ADCY5: variants seen among roughly 807,000 people sequenced by gnomAD.
ADCY5 encodes adenylate cyclase 5, also known as adenylate cyclase type 5.
In ADCY5, 30 loss-of-function variants were observed where a neutral mutation model predicts 119.7. The ratio of observed to expected loss-of-function variants is 0.25; its 90% CI spans 0.19 to 0.34. ADCY5 has a LOEUF of 0.34. Among genes scored for constraint, ADCY5 ranks in the 10% least tolerant of loss-of-function variants. ADCY5 has a pLI of 1.00. For synonymous variants in ADCY5, 753 were observed against 762.2 expected (o/e 0.99, Z 0.20); for missense variants, 1,324 against 1,775.2 (o/e 0.75, Z 4.57).
intron 1 of ADCY5, among the ~76,000 whole-genome samples, chr3:123,370,219 G>A (rs6795648): frequency 0.067 from 10,175 of 152,236 alleles, 846 homozygotes; most frequent in East Asian, 0.26. Context: ...TGAAGTCCAA[G>A]TGATGGACTA....
At chr3:123,360,118 C>T (rs1943195739) in intron 1 of ADCY5, among the ~76,000 whole-genome samples, 2 of 151,562 alleles carry the variant, frequency 1.3e-5, no homozygotes, top group African/African-American at 4.9e-5. Flanking sequence ...TAATGAGTGA[C>T]ACCTCTAAAA....
At chr3:123,427,843 G>A (rs1237456844) in intron 1 of ADCY5, among the ~76,000 whole-genome samples, 1 of 152,266 alleles carries the variant, frequency 6.6e-6, no homozygotes, top group Non-Finnish European at 1.5e-5. Context: ...GACAGGGTCT[G>A]TGGCTTGTTC....
rs143655776 is a variant in ADCY5, at chr3:123,370,522, G to A, written c.1135-17941C>T. On this transcript the variant is annotated intron_variant, in intron 1 of 20. Coordinates refer to ENST00000462833, the MANE Select transcript of ADCY5 (RefSeq NM_183357.3). ...ATCCCATTATCAAACACGTTCTTCT[G>A]GGCTACAACATAGATAGGCTCCAAA... 5.3e-5 allele frequency among the ~76,000 whole-genome samples: 8 copies of A among 152,268 alleles called. No homozygotes were observed. In the East Asian group the frequency reaches 1.5e-3, roughly 29 times the overall value.
At chr3:123,346,607 T>TTCTCTCTCTCTCTCTCTCTC (rs72299981) in intron 3 of ADCY5, among the ~76,000 whole-genome samples, 1,929 of 127,306 alleles carry the variant, frequency 0.015, 16 homozygotes, top group Non-Finnish European at 0.023. Context: ...CAGCCTCACC[T>TTCTCTCTCTCTCTCTCTCTC]TCTCTCTCTC....
intron 1 of ADCY5, among the ~76,000 whole-genome samples, chr3:123,393,932 G>A (rs934584023): frequency 1.3e-5 from 2 of 152,138 alleles, no homozygotes; most frequent in Admixed American, 1.3e-4. Context: ...TCAGGAGTTC[G>A]AGACCAGGCT....
intron 9 of ADCY5, among the ~76,000 whole-genome samples, chr3:123,320,376 A>G (rs1941154193): frequency 6.6e-6 from 1 of 152,268 alleles, no homozygotes. Context: ...GACAGTCCTG[A>G]GAACCAGAAG....
intron 12 of ADCY5, among the ~76,000 whole-genome samples, chr3:123,309,891 T>C (rs1296741772): frequency 6.6e-6 from 1 of 151,048 alleles, no homozygotes; most frequent in East Asian, 1.9e-4. Context: ...TGAGTTGGAG[T>C]GGTAGAAAGG....
intron 1 of ADCY5, among the ~76,000 whole-genome samples, chr3:123,355,403 C>T (rs1943004730): frequency 6.6e-6 from 1 of 152,060 alleles, no homozygotes; most frequent in African/African-American, 2.4e-5. Flanking sequence ...GGATCAAAAC[C>T]CTCCGATATG....
At chr3:123,327,823 G>C in intron 6 of ADCY5, 64 bp from the exon 7 acceptor site, 1 of 1,574,208 alleles carries the variant, frequency 6.4e-7, no homozygotes, top group Non-Finnish European at 8.7e-7. Flanking sequence ...GTCAGCCCCC[G>C]TGAAAAACCA....
chr3:123,368,173 A>G (rs1943516428), intron 1 of ADCY5: 2 of 708,062 alleles, frequency 2.8e-6, no homozygotes, highest in Non-Finnish European at 4.3e-6. Flanking sequence ...GCTCATCTCT[A>G]TAATGGAGCT....
chr3:123,301,164 A>G (rs1250706377), intron 14 of ADCY5, among the ~76,000 whole-genome samples: 3 of 152,150 alleles, frequency 2.0e-5, no homozygotes, highest in Non-Finnish European at 4.4e-5. Flanking sequence ...GCACGTCAGC[A>G]TCAATTATTA....
chr3:123,325,877 C>G (rs1475996928), intron 7 of ADCY5, among the ~76,000 whole-genome samples: 2 of 152,252 alleles, frequency 1.3e-5, no homozygotes, highest in African/African-American at 4.8e-5. Flanking sequence ...GCTTCCTCCC[C>G]CTACTCTGTG....
chr3:123,405,817 T>C (rs1471380301), intron 1 of ADCY5, among the ~76,000 whole-genome samples: 1 of 152,116 alleles, frequency 6.6e-6, no homozygotes, highest in Non-Finnish European at 1.5e-5. Flanking sequence ...GTATCTTTAG[T>C]AGAGATGGGG....
At chr3:123,353,890 T>C (rs1044153472) in intron 1 of ADCY5, among the ~76,000 whole-genome samples, 32 of 152,170 alleles carry the variant, frequency 2.1e-4, no homozygotes, top group African/African-American at 7.0e-4. Flanking sequence ...AGACATCCCA[T>C]GGTGTGTGTG....
chr3:123,359,074 A>T (rs1247760029), intron 1 of ADCY5, among the ~76,000 whole-genome samples: 1 of 151,862 alleles, frequency 6.6e-6, no homozygotes, highest in South Asian at 2.1e-4. Flanking sequence ...TGAGTTGGAG[A>T]CTAGGGTTGG....
At chr3:123,418,395 G>C (rs1945229794) in intron 1 of ADCY5, among the ~76,000 whole-genome samples, 1 of 152,192 alleles carries the variant, frequency 6.6e-6, no homozygotes, top group African/African-American at 2.4e-5. Flanking sequence ...AATTTAGAAA[G>C]AAAAGAGGTA....
intron 1 of ADCY5, among the ~76,000 whole-genome samples, chr3:123,423,155 A>C: frequency 6.6e-6 from 1 of 152,106 alleles, no homozygotes; most frequent in Non-Finnish European, 1.5e-5. Flanking sequence ...AAGAGGCACC[A>C]GCCCAGCCCG....
At chr3:123,431,194 C>T (rs1404438577) in intron 1 of ADCY5, among the ~76,000 whole-genome samples, 2 of 152,206 alleles carry the variant, frequency 1.3e-5, no homozygotes, top group South Asian at 2.1e-4. Context: ...GCATCTACTA[C>T]AGACACTTCT....
Position 123,289,672 on chromosome 3 carries a change from T to G in ADCY5, c.3532+78A>C, listed in dbSNP as rs4677881. On this transcript the variant is annotated intron_variant, in intron 19 of 20. Transcript: ENST00000462833. ...CTTGGGACCACAATGGCGGATGCGG[T>G]ATGGGGTATGGGGGAGCCCCTGCCA... 1 allele frequency: 1,519,923 copies of G among 1,520,582 alleles called. 759,638 individuals carry two copies. Among genetic ancestry groups the G allele is most frequent in the Middle Eastern group, 1 (4,268 of 4,268 alleles). 94.2% of individuals were successfully genotyped at this position (1,520,582 alleles called of 1,614,324 possible).
Sources: allele counts gnomAD v4.1 joint callset (sites outside exome capture counted in the v4.1 genomes callset), GRCh38; gene constraint gnomAD v4.1.1; transcripts MANE v1.5; gene names NCBI Gene and HGNC (gene_info 2026-07-23, HGNC 2026-07-21).